The following DGKB variants were observed in gnomAD, a reference collection of about 807,000 sequenced individuals.
The protein encoded by DGKB is 90 kDa diacylglycerol kinase.
A neutral mutation model predicts 114.3 loss-of-function variants in DGKB; 67 were observed. The observed-to-expected ratio is 0.59, with a 90% CI of 0.48 to 0.72. The LOEUF is 0.72. Ranked by LOEUF, DGKB falls within the 30% of genes least tolerant of loss-of-function variation. DGKB has a pLI of 0.00. For missense variants in DGKB, 907 were observed against 975.2 expected (o/e 0.93, Z 0.93); for synonymous variants, 398 against 323.1 (o/e 1.23, Z -2.49).
intron 2 of DGKB, among the ~76,000 whole-genome samples, chr7:14,840,582 T>C (rs1847787457): frequency 6.6e-6 from 1 of 152,168 alleles, no homozygotes; most frequent in African/African-American, 2.4e-5. Flanking sequence ...CTTGTATCAA[T>C]GCACACACTA....
intron 23 of DGKB, among the ~76,000 whole-genome samples, chr7:14,284,759 GA>G (rs1349809482): frequency 6.6e-6 from 1 of 150,642 alleles, no homozygotes; most frequent in Non-Finnish European, 1.5e-5. Flanking sequence ...ACTATCACAA[GA>G]ACAAAAAACC....
intron 1 of DGKB, among the ~76,000 whole-genome samples, chr7:14,928,245 A>C (rs888135673): frequency 6.6e-6 from 1 of 151,976 alleles, no homozygotes; most frequent in African/African-American, 2.4e-5. Flanking sequence ...ATAGAAATCT[A>C]TTTAGTTGTA....
chr7:14,435,228 G>A (rs1829062456), intron 21 of DGKB, among the ~76,000 whole-genome samples: 1 of 151,952 alleles, frequency 6.6e-6, no homozygotes, highest in South Asian at 2.1e-4. Flanking sequence ...TAGTTTATTT[G>A]TATCACAAGG....
At chr7:14,406,366 T>C (rs1332251709) in intron 21 of DGKB, among the ~76,000 whole-genome samples, 1 of 151,924 alleles carries the variant, frequency 6.6e-6, no homozygotes, top group African/African-American at 2.4e-5. Flanking sequence ...TTTGGGAAAA[T>C]AATCCCACTA....
chr7:14,614,096 C>T (rs1806095325), intron 15 of DGKB, among the ~76,000 whole-genome samples: 1 of 152,184 alleles, frequency 6.6e-6, no homozygotes, highest in Non-Finnish European at 1.5e-5. Context: ...GCTTTCATCA[C>T]AACTCAGCTC....
intron 3 of DGKB, among the ~76,000 whole-genome samples, chr7:14,757,036 A>G (rs191419747): frequency 6.6e-6 from 1 of 152,252 alleles, no homozygotes; most frequent in East Asian, 1.9e-4. Context: ...TTTTCATAAG[A>G]AAATCTTAAA....
At chr7:14,212,804 C>T (rs1218591947) in intron 23 of DGKB, among the ~76,000 whole-genome samples, 1 of 152,070 alleles carries the variant, frequency 6.6e-6, no homozygotes, top group Non-Finnish European at 1.5e-5. Context: ...TCACCACCAT[C>T]CATCTAACTG....
intron 20 of DGKB, among the ~76,000 whole-genome samples, chr7:14,546,716 G>A (rs915299078): frequency 3.9e-5 from 6 of 152,148 alleles, no homozygotes; most frequent in Non-Finnish European, 8.8e-5. Flanking sequence ...GACCCAGCTA[G>A]AAAAGAATGG....
intron 20 of DGKB, among the ~76,000 whole-genome samples, chr7:14,501,634 A>C (rs1049156546): frequency 6.6e-6 from 1 of 151,940 alleles, no homozygotes; most frequent in African/African-American, 2.4e-5. Flanking sequence ...GTTAAAAACA[A>C]GAAACTGGCA....
At chr7:14,418,086 C>T (rs900348844) in intron 21 of DGKB, among the ~76,000 whole-genome samples, 1 of 149,368 alleles carries the variant, frequency 6.7e-6, no homozygotes, top group Admixed American at 6.8e-5. Flanking sequence ...TGCTGCATTA[C>T]ACAGCCTCTG....
intron 1 of DGKB, among the ~76,000 whole-genome samples, chr7:14,956,214 A>T (rs1184611205): frequency 6.6e-6 from 1 of 151,998 alleles, no homozygotes; most frequent in African/African-American, 2.4e-5. Context: ...CCATTTATGC[A>T]TAAAGGAGAT....
At chr7:14,532,442 A>G (rs917337584) in intron 20 of DGKB, among the ~76,000 whole-genome samples, 1 of 151,472 alleles carries the variant, frequency 6.6e-6, no homozygotes, top group African/African-American at 2.4e-5. Context: ...AAAGACTGGA[A>G]AACAGCTATT....
At chr7:14,939,061 T>A (rs528593077) in intron 1 of DGKB, among the ~76,000 whole-genome samples, 1 of 110,378 alleles carries the variant, frequency 9.1e-6, no homozygotes, top group African/African-American at 3.1e-5. Context: ...CTTTCTCTAT[T>A]TTTTTTCTCT....
intron 2 of DGKB, among the ~76,000 whole-genome samples, chr7:14,791,340 T>G (rs1840637874): frequency 1.3e-5 from 2 of 152,226 alleles, no homozygotes; most frequent in Admixed American, 1.3e-4. Context: ...CTGGAGGTTT[T>G]CAAAATAATC....
chr7:14,541,760 C>A (rs1361030491), intron 20 of DGKB, among the ~76,000 whole-genome samples: 3 of 152,210 alleles, frequency 2.0e-5, no homozygotes, highest in Admixed American at 2.0e-4. Flanking sequence ...GAAACCCTTT[C>A]TTCCATGTTC....
chr7:14,186,414 G>C (rs1584326245), intron 23 of DGKB, among the ~76,000 whole-genome samples: 1 of 152,284 alleles, frequency 6.6e-6, no homozygotes, highest in African/African-American at 2.4e-5. Context: ...TCTACACTGT[G>C]GGTGGGAATG....
chr7:14,420,308 T>C (rs560850792), intron 21 of DGKB, among the ~76,000 whole-genome samples: 2 of 151,982 alleles, frequency 1.3e-5, no homozygotes, highest in African/African-American at 2.4e-5. Flanking sequence ...AAAATATGTT[T>C]ACATTTTGTG....
At chr7:14,258,184 C>T (rs1796226545) in intron 23 of DGKB, among the ~76,000 whole-genome samples, 2 of 152,172 alleles carry the variant, frequency 1.3e-5, no homozygotes, top group Admixed American at 6.5e-5. Context: ...TCAACATTCA[C>T]ATTTTTGTAG....
At chr7:14,322,760 T>C (rs962352162) in intron 23 of DGKB, among the ~76,000 whole-genome samples, 9 of 152,216 alleles carry the variant, frequency 5.9e-5, no homozygotes, top group African/African-American at 2.2e-4. Context: ...AGTTAAAAAA[T>C]AGGCAAAAGA....
Sources: gnomAD v4.1 joint callset for allele counts (sites outside exome capture counted in the v4.1 genomes callset) on GRCh38, gnomAD v4.1.1 for gene constraint, MANE v1.5 for transcripts, NCBI Gene and HGNC (gene_info 2026-07-23, HGNC 2026-07-21) for gene names.